GALNT9: variants seen among roughly 807,000 people sequenced by gnomAD.
GALNT9 encodes the protein polypeptide N-acetylgalactosaminyltransferase 9.
Under a neutral mutation model 63.1 loss-of-function variants are expected in GALNT9, and 47 were observed. That is an observed-to-expected ratio of 0.75 (90% CI 0.59 to 0.95). The LOEUF is 0.95. GALNT9 is among the 40% of genes least tolerant of loss of function. The pLI is 0.00. For synonymous variants in GALNT9, 396 were observed against 365.7 expected, an observed-to-expected ratio of 1.08 and a Z score of -0.94; for missense variants, 829 against 874.8, an observed-to-expected ratio of 0.95 and a Z score of 0.66.
intron 6 of GALNT9, 177 bp downstream of exon 6, chr12:132,247,733 C>A: frequency 1.8e-6 from 2 of 1,085,284 alleles, no homozygotes; most frequent in Non-Finnish European, 2.6e-6. Context: ...CACTCGCCCT[C>A]ACCCCGTCCC....
At chr12:132,266,217 C>T (rs1366023900) in intron 2 of GALNT9, among the ~76,000 whole-genome samples, 3 of 152,204 alleles carry the variant, frequency 2.0e-5, no homozygotes, top group East Asian at 1.9e-4. Context: ...TGCCTTTACA[C>T]GCCTGACCTC....
intron 1 of GALNT9, among the ~76,000 whole-genome samples, chr12:132,301,677 GC>G (rs1555243849): frequency 6.6e-6 from 1 of 152,236 alleles, no homozygotes; most frequent in Non-Finnish European, 1.5e-5. Context: ...GGGACCTGGG[GC>G]CCCACTCGCT....
At chr12:132,314,519 G>A in intron 1 of GALNT9, among the ~76,000 whole-genome samples, 1 of 152,162 alleles carries the variant, frequency 6.6e-6, no homozygotes, top group South Asian at 2.1e-4. Flanking sequence ...CTTGCCCGAG[G>A]TCACCCCATT....
chr12:132,240,786 A>T (rs1435535077), intron 6 of GALNT9: 2 of 449,514 alleles, frequency 4.4e-6, no homozygotes. Flanking sequence ...TATGATCTAT[A>T]CATGTTTACA....
At chr12:132,218,317 C>T (rs371528047) in intron 6 of GALNT9, among the ~76,000 whole-genome samples, 7 of 152,172 alleles carry the variant, frequency 4.6e-5, no homozygotes, top group Admixed American at 6.5e-5. Flanking sequence ...TCCAGGCTGA[C>T]GCGGACGGAA....
chr12:132,203,794 T>G (rs186610846), intron 6 of GALNT9, 104 bp from the exon 7 acceptor site: 1 of 1,282,384 alleles, frequency 7.8e-7, no homozygotes, highest in Non-Finnish European at 1.1e-6. Context: ...CCTCTGTTCC[T>G]GGGGCACCCC....
rs782684148 is a variant in GALNT9, at chr12:132,319,094, G to C, written c.238+9872C>G. Among the ~76,000 whole-genome samples the C allele has an allele frequency of 3.9e-5, 6 of 152,226 alleles. No individual in the cohort carries two copies. Among genetic ancestry groups the C allele is most frequent in the Admixed American group, 1.3e-4 (2 of 15,290 alleles). ...CACCGAGCCACCAAGCCTGCAGCGT[G>C]CGTGCCTTCATGTGAGGTGTGCTCC... On this transcript the variant is annotated intron_variant, in intron 1 of 10. Coordinates refer to ENST00000328957, the MANE Select transcript of GALNT9 (RefSeq NM_001122636.2). The surrounding 1 kb of genome is among the most constrained non-coding windows in gnomAD (Gnocchi z 5.2).
At chr12:132,259,662 A>G (rs943226954) in intron 4 of GALNT9, among the ~76,000 whole-genome samples, 14 of 152,228 alleles carry the variant, frequency 9.2e-5, no homozygotes, top group Middle Eastern at 3.4e-3. Context: ...AGAAGCCCCA[A>G]AACGCCAGGT....
In GALNT9 at chr12:132,282,427, G is replaced by GTGCGTGTGTGTGCGTGTA; in HGVS notation, c.419+3822_419+3823insTACACGCACACACACGCA. On this transcript the variant is annotated intron_variant, in intron 2 of 10. Coordinates refer to ENST00000328957, the MANE Select transcript of GALNT9 (RefSeq NM_001122636.2). This position sits in a 1 kb window ranked among gnomAD's most constrained non-coding sequence, Gnocchi z 4.5. ...CGCGTGTGTGCGTGTGTGTGCGTGT[G>GTGCGTGTGTGTGCGTGTA]TGCGTGCATGCGTGTGTGTGCGTGT... Among the ~76,000 whole-genome samples, 3 of 152,200 alleles carry GTGCGTGTGTGTGCGTGTA rather than the reference G, an allele frequency of 2.0e-5. No individual in the cohort carries two copies. Among genetic ancestry groups the GTGCGTGTGTGTGCGTGTA allele is most frequent in the African/African-American group, 7.2e-5 (3 of 41,506 alleles).
intron 6 of GALNT9, among the ~76,000 whole-genome samples, chr12:132,215,638 G>A (rs1877151982): frequency 6.6e-6 from 1 of 152,234 alleles, no homozygotes; most frequent in African/African-American, 2.4e-5. Context: ...AATGAAGCCA[G>A]CCCTCTTTGT....
At chr12:132,234,631 C>T (rs1169496191) in intron 6 of GALNT9, among the ~76,000 whole-genome samples, 2 of 7,560 alleles carry the variant, frequency 2.6e-4, no homozygotes, top group Non-Finnish European at 4.4e-4. Context: ...CTCGATGGGG[C>T]GACAGAGGAG....
chr12:132,299,212 A>T (rs1160750953), intron 1 of GALNT9, among the ~76,000 whole-genome samples: 1 of 139,792 alleles, frequency 7.2e-6, no homozygotes, highest in African/African-American at 2.7e-5. Context: ...ACTCACTCCC[A>T]TAACTAACCC....
intron 1 of GALNT9, among the ~76,000 whole-genome samples, chr12:132,302,654 G>C (rs1377784911): frequency 6.6e-6 from 1 of 152,220 alleles, no homozygotes; most frequent in Non-Finnish European, 1.5e-5. Flanking sequence ...AGGTGAACAG[G>C]TGCCAGCCCA....
chr12:132,328,103 C>T (rs1185365023), intron 1 of GALNT9, among the ~76,000 whole-genome samples: 2 of 152,160 alleles, frequency 1.3e-5, no homozygotes, highest in East Asian at 1.9e-4. Flanking sequence ...CCTGGCGCCC[C>T]GGTGCAGAGT....
intron 6 of GALNT9, among the ~76,000 whole-genome samples, chr12:132,217,527 ACCAG>A (rs1214918524): frequency 7.2e-6 from 1 of 139,374 alleles, no homozygotes; most frequent in African/African-American, 2.8e-5. Flanking sequence ...CCTGCATCCA[ACCAG>A]CCAACCATTC....
At chr12:132,306,715 C>T (rs1050194039) in intron 1 of GALNT9, among the ~76,000 whole-genome samples, 107 of 152,292 alleles carry the variant, frequency 7.0e-4, no homozygotes, top group African/African-American at 1.9e-3. Flanking sequence ...GTGACTTGCG[C>T]GAGGAAAAGC....
intron 6 of GALNT9, among the ~76,000 whole-genome samples, chr12:132,217,606 ATCC>A (rs1877265152): frequency 1.4e-5 from 2 of 140,244 alleles, no homozygotes; most frequent in African/African-American, 5.4e-5. Flanking sequence ...CCATCCATCC[ATCC>A]AGCCATCCAT....
intron 1 of GALNT9, among the ~76,000 whole-genome samples, chr12:132,304,861 A>ACCCTCACCCGG: frequency 1.9e-5 from 1 of 52,246 alleles, no homozygotes; most frequent in Non-Finnish European, 3.4e-5. Context: ...ACCCGGGCAC[A>ACCCTCACCCGG]GAATCGCCCA....
intron 6 of GALNT9, among the ~76,000 whole-genome samples, chr12:132,225,044 C>A (rs1877597313): frequency 1.4e-5 from 2 of 139,420 alleles, no homozygotes; most frequent in Admixed American, 1.4e-4. Context: ...ACCCACACCC[C>A]ACACACTACA....
Sources: gnomAD v4.1 joint callset for allele counts (sites outside exome capture counted in the v4.1 genomes callset) on GRCh38, gnomAD v4.1.1 for gene constraint, Gnocchi (gnomAD v3.1) non-coding constraint, MANE v1.5 for transcripts, NCBI Gene and HGNC (gene_info 2026-07-23, HGNC 2026-07-21) for gene names.